The following CSMD1 variants were observed in gnomAD, a reference collection of about 807,000 sequenced individuals.
CSMD1 encodes the protein CUB and Sushi multiple domains 1.
Under a neutral mutation model 417.5 loss-of-function variants are expected in CSMD1, and 213 were observed. That is an observed-to-expected ratio of 0.51 (90% CI 0.46 to 0.57). The LOEUF is 0.57. CSMD1 is among the 20% of genes least tolerant of loss of function. The pLI, the probability that CSMD1 is intolerant of heterozygous loss-of-function variation, is 0.00. For missense variants in CSMD1, 6,923 were observed against 4,529.7 expected (o/e 1.53, Z -15.17); for synonymous variants, 2,862 against 1,736.8 (o/e 1.65, Z -16.11).
intron 7 of CSMD1, among the ~76,000 whole-genome samples, chr8:3,671,299 C>T (rs1386873534): frequency 2.0e-4 from 30 of 147,166 alleles, no homozygotes; most frequent in Admixed American, 1.9e-3. Context: ...ATCACAGGCA[C>T]CTGATAAATG....
chr8:4,305,567 A>G (rs536598114), intron 3 of CSMD1, among the ~76,000 whole-genome samples: 55 of 152,292 alleles, frequency 3.6e-4, no homozygotes, highest in African/African-American at 1.3e-3. Context: ...GAATAACAGG[A>G]AAGAATGAAA....
chr8:3,980,252 T>C (rs771892025), intron 5 of CSMD1, among the ~76,000 whole-genome samples: 1 of 152,190 alleles, frequency 6.6e-6, no homozygotes, highest in Non-Finnish European at 1.5e-5. Flanking sequence ...ACTTAACTAT[T>C]AGGGGAAAAG....
At chr8:4,436,160 G>A (rs962106583) in intron 2 of CSMD1, among the ~76,000 whole-genome samples, 1 of 152,148 alleles carries the variant, frequency 6.6e-6, no homozygotes, top group Non-Finnish European at 1.5e-5. Context: ...TATTGAGAGA[G>A]TTAGATTTCA....
chr8:4,531,450 A>C (rs1157936460), intron 2 of CSMD1, among the ~76,000 whole-genome samples: 1 of 152,206 alleles, frequency 6.6e-6, no homozygotes, highest in East Asian at 1.9e-4. Flanking sequence ...TAATTTGGTT[A>C]CTGACAATAT....
At chr8:3,952,106 G>C (rs58032913) in intron 5 of CSMD1, among the ~76,000 whole-genome samples, 3 of 152,196 alleles carry the variant, frequency 2.0e-5, no homozygotes, top group African/African-American at 4.8e-5. Flanking sequence ...ATTTCCGACA[G>C]AAAGAACAAA....
chr8:4,049,828 G>C (rs1474273885), intron 3 of CSMD1, among the ~76,000 whole-genome samples: 1 of 150,996 alleles, frequency 6.6e-6, no homozygotes, highest in Non-Finnish European at 1.5e-5. Flanking sequence ...CTTACAATCA[G>C]TGACCAATAT....
At chr8:4,911,342 G>C (rs566150851) in intron 1 of CSMD1, among the ~76,000 whole-genome samples, 14 of 152,270 alleles carry the variant, frequency 9.2e-5, no homozygotes, top group Admixed American at 7.2e-4. Context: ...GCAGATGAAA[G>C]ACAATTATTT....
intron 6 of CSMD1, among the ~76,000 whole-genome samples, chr8:3,749,381 G>A (rs13271874): frequency 0.15 from 22,554 of 152,132 alleles, 1,672 homozygotes; most frequent in Admixed American, 0.17. Flanking sequence ...TAGATTTTAA[G>A]AGTAGCAACT....
intron 5 of CSMD1, among the ~76,000 whole-genome samples, chr8:3,981,392 G>C (rs189364960): frequency 6.8e-4 from 103 of 150,876 alleles, no homozygotes; most frequent in Admixed American, 6.0e-3. Context: ...ATATGGTGCA[G>C]TGTATACTGC....
At chr8:3,492,379 C>G (rs1365160704) in intron 11 of CSMD1, among the ~76,000 whole-genome samples, 3 of 152,112 alleles carry the variant, frequency 2.0e-5, no homozygotes, top group African/African-American at 7.2e-5. Flanking sequence ...CACAGAAACT[C>G]TCTTTCCCAC....
intron 36 of CSMD1, among the ~76,000 whole-genome samples, chr8:3,183,687 G>C (rs746972550): frequency 4.6e-5 from 7 of 152,096 alleles, no homozygotes; most frequent in African/African-American, 1.7e-4. Flanking sequence ...CTGAAACATC[G>C]AGTAGGTCTC....
At chr8:3,701,188 A>T (rs1299941942) in intron 7 of CSMD1, among the ~76,000 whole-genome samples, 2 of 152,062 alleles carry the variant, frequency 1.3e-5, no homozygotes, top group African/African-American at 4.8e-5. Context: ...GTGGATAGGA[A>T]GTTCTGGCCC....
At chr8:4,657,508 G>A (rs542202958) in intron 1 of CSMD1, among the ~76,000 whole-genome samples, 16 of 152,038 alleles carry the variant, frequency 1.1e-4, no homozygotes, top group South Asian at 1.0e-3. Context: ...AGGGACAAAG[G>A]CTTCAAAGAA....
At chr8:4,233,936 T>TGAGAA (rs1324517356) in intron 3 of CSMD1, among the ~76,000 whole-genome samples, 1 of 145,128 alleles carries the variant, frequency 6.9e-6, no homozygotes, top group African/African-American at 2.6e-5. Context: ...CTTAATGAGG[T>TGAGAA]GAGACTAATG....
intron 3 of CSMD1, among the ~76,000 whole-genome samples, chr8:4,115,865 A>G (rs2130924827): frequency 6.6e-6 from 1 of 152,282 alleles, no homozygotes; most frequent in East Asian, 1.9e-4. Flanking sequence ...CCCCAATCAT[A>G]TGACATTCTG....
intron 3 of CSMD1, among the ~76,000 whole-genome samples, chr8:4,053,145 T>A (rs938473891): frequency 6.6e-6 from 1 of 152,194 alleles, no homozygotes; most frequent in Non-Finnish European, 1.5e-5. Context: ...GGGTGCAGTG[T>A]ACAGTTAGTG....
intron 5 of CSMD1, among the ~76,000 whole-genome samples, chr8:3,761,010 G>C (rs143545570): frequency 5.3e-5 from 8 of 151,756 alleles, no homozygotes; most frequent in African/African-American, 1.9e-4. Flanking sequence ...TTTGTACTGT[G>C]GTGTTTCATT....
At chr8:4,917,392 T>G (rs931800046) in intron 1 of CSMD1, among the ~76,000 whole-genome samples, 7 of 152,176 alleles carry the variant, frequency 4.6e-5, no homozygotes, top group African/African-American at 1.7e-4. Flanking sequence ...CCCAGCACTT[T>G]GGGAGGCCAA....
chr8:4,303,712 C>G (rs4358819), intron 3 of CSMD1, among the ~76,000 whole-genome samples: 106,695 of 151,704 alleles, frequency 0.7, 37,780 homozygotes, highest in East Asian at 0.85. Context: ...CTGGAGCTCA[C>G]TGTCATTATC....
Sources: gnomAD v4.1 joint callset for allele counts (sites outside exome capture counted in the v4.1 genomes callset) on GRCh38, gnomAD v4.1.1 for gene constraint, MANE v1.5 for transcripts, NCBI Gene and HGNC (gene_info 2026-07-23, HGNC 2026-07-21) for gene names.